The following GGH variants were observed in gnomAD, a reference collection of about 807,000 sequenced individuals.
GGH encodes gamma-Glu-X carboxypeptidase.
GGH carries 18 observed loss-of-function variants against 39.2 expected under a neutral mutation model. The observed-to-expected ratio is 0.46, with a 90% confidence interval of 0.32 to 0.68. The LOEUF (loss-of-function observed/expected upper bound fraction) is 0.68, where lower values mean the gene tolerates loss of function less well. GGH is among the 30% of genes least tolerant of loss of function. The pLI, the probability that GGH is intolerant of heterozygous loss-of-function variation, is 0.04. For missense variants in GGH, 367 were observed against 384.1 expected, an observed-to-expected ratio of 0.96 and a Z score of 0.37; for synonymous variants, 147 against 138.8, an observed-to-expected ratio of 1.06 and a Z score of -0.42.
Position 63,035,796 on chromosome 8 carries a change from CA to C in GGH, c.110-27del, listed in dbSNP as rs766646519. 5 of 1,569,238 alleles carry C rather than the reference CA, an allele frequency of 3.2e-6. No homozygotes were observed. In the East Asian group the frequency reaches 9.0e-5, roughly 28 times the overall value. On this transcript the variant is annotated intron_variant, in intron 1 of 8. Coordinates refer to ENST00000260118, the MANE Select transcript of GGH (RefSeq NM_003878.3). ...CTAATAACAAAAAAAAGTTTAGTTT[CA>C]AGCAAATTCCTTTTCTTCTTGCTCA...
chr8:63,027,828 G>A (rs547362423), intron 3 of GGH, among the ~76,000 whole-genome samples: 1 of 151,652 alleles, frequency 6.6e-6, no homozygotes, highest in African/African-American at 2.4e-5. Flanking sequence ...ACATAATTAC[G>A]ATTCTAGAAA....
intron 3 of GGH, among the ~76,000 whole-genome samples, chr8:63,027,471 A>G (rs1434864688): frequency 6.6e-6 from 1 of 152,222 alleles, no homozygotes; most frequent in Non-Finnish European, 1.5e-5. Context: ...ACAACACTTT[A>G]GTGCATATTT....
chr8:63,017,375 G>C (rs1315108491), intron 8 of GGH, 118 bp downstream of exon 8: 1 of 635,046 alleles, frequency 1.6e-6, no homozygotes, highest in African/African-American at 1.9e-5. Flanking sequence ...ATTCTTTAAA[G>C]TTAAACCTAT....
intron 3 of GGH, among the ~76,000 whole-genome samples, chr8:63,029,134 T>C (rs1195687185): frequency 1.3e-5 from 2 of 152,158 alleles, no homozygotes; most frequent in African/African-American, 4.8e-5. Context: ...AAAGCTCTTT[T>C]AAAAAAACAT....
chr8:63,038,603 C>CCCCCCCCCCCCACCCCCCA, intron 1 of GGH, 57 bp downstream of exon 1: 1 of 869,156 alleles, frequency 1.2e-6, no homozygotes. Flanking sequence ...GCGGGAGGCG[C>CCCCCCCCCCCCACCCCCCA]CCAGCGCCAA....
At chr8:63,029,750 T>C (rs1192719362) in intron 3 of GGH, among the ~76,000 whole-genome samples, 1 of 152,010 alleles carries the variant, frequency 6.6e-6, no homozygotes, top group African/African-American at 2.4e-5. Flanking sequence ...TAGCCTTCTT[T>C]CCTAAAATTA....
intron 5 of GGH, 146 bp from the exon 6 acceptor site, chr8:63,024,332 G>T: frequency 1.8e-6 from 1 of 552,828 alleles, no homozygotes; most frequent in Non-Finnish European, 3.2e-6. Flanking sequence ...TTCCATAGAA[G>T]TATTCCAATC....
At chr8:63,022,308 G>C (rs1804602579) in intron 7 of GGH, among the ~76,000 whole-genome samples, 1 of 151,916 alleles carries the variant, frequency 6.6e-6, no homozygotes, top group Non-Finnish European at 1.5e-5. Flanking sequence ...ATGGAAAAAA[G>C]AGTCTGTCTC....
At chr8:63,028,057 G>A (rs1352639340) in intron 3 of GGH, 1 of 151,958 alleles carries the variant, frequency 6.6e-6, no homozygotes. Flanking sequence ...ATTTAAATAC[G>A]AGCTTGAGAT....
Position 63,038,648 on chromosome 8 carries a change from C to G in GGH, c.109+12G>C, listed in dbSNP as rs369584231. 6 of 1,435,080 alleles carry G rather than the reference C, an allele frequency of 4.2e-6. No homozygotes were observed. The African/African-American group carries it at 5.8e-5, about 14-fold the overall frequency. The allele number at this position is 1,435,080 out of a possible 1,614,324, so 88.9% of individuals were successfully genotyped here. ...CCTCCCCGTCTGCTGCGGCCCCGCA[C>G]AGCCTCCTTACCGATGATGGGCTTC... On this transcript the variant is annotated intron_variant, in intron 1 of 8. Coordinates refer to ENST00000260118, the MANE Select transcript of GGH (RefSeq NM_003878.3).
intron 2 of GGH, among the ~76,000 whole-genome samples, chr8:63,031,345 G>A (rs773759924): frequency 6.6e-6 from 1 of 152,218 alleles, no homozygotes; most frequent in Non-Finnish European, 1.5e-5. Context: ...TACCAGAATG[G>A]TGCTTACCAT....
intron 8 of GGH, among the ~76,000 whole-genome samples, chr8:63,016,087 T>C (rs1005970729): frequency 2.0e-5 from 3 of 152,156 alleles, no homozygotes; most frequent in African/African-American, 4.8e-5. Context: ...AGTGAGAAGT[T>C]TGGCATGATG....
At chr8:63,021,046 GAGA>G (rs1253081742) in intron 7 of GGH, among the ~76,000 whole-genome samples, 2 of 152,160 alleles carry the variant, frequency 1.3e-5, no homozygotes, top group Non-Finnish European at 2.9e-5. Flanking sequence ...TCAGCCCAGT[GAGA>G]AGGACTCTCA....
chr8:63,030,172 A>C lies in GGH; in HGVS notation c.270T>G (p.Ile90Met). 1 of 1,385,132 alleles carries C rather than the reference A, an allele frequency of 7.2e-7. No homozygotes were observed. Among genetic ancestry groups the C allele is most frequent in the Middle Eastern group, 1.8e-4 (1 of 5,582 alleles). The allele number at this position is 1,385,132 out of a possible 1,614,324, so 85.8% of individuals were successfully genotyped here. ...EKDYEILFKS[I>M]NGILFPGGSV... ...AACCAATGCTGCCAACTTACCCATT[A>C]ATAGATTTGAAAAGTATTTCATAGT... The change falls in exon 3 of 9, where the codon ATT becomes ATG. Residue 90 changes from isoleucine to methionine, a missense_variant. Coordinates refer to ENST00000260118, the MANE Select transcript of GGH (RefSeq NM_003878.3).
intron 1 of GGH, among the ~76,000 whole-genome samples, chr8:63,036,786 A>G (rs1479771079): frequency 1.3e-5 from 2 of 152,216 alleles, no homozygotes; most frequent in Non-Finnish European, 2.9e-5. Flanking sequence ...AGGAATCCAT[A>G]TTATTAGAGC....
intron 8 of GGH, 64 bp from the exon 9 acceptor site, chr8:63,015,517 T>C: frequency 5.8e-6 from 6 of 1,030,416 alleles, no homozygotes; most frequent in Non-Finnish European, 8.6e-6. Context: ...GACTATTTTA[T>C]AATATTTCTT....
rs140998846 is a variant in GGH at position 63,035,157 on chromosome 8, A to G, written c.224+499T>C. On this transcript the variant is annotated intron_variant, in intron 2 of 8. Coordinates refer to ENST00000260118, the MANE Select transcript of GGH (RefSeq NM_003878.3). ...AATGCATATGACATATGGTACCTCTAATGACGTTACAGGTAACACACAGCT... is the reference window on the plus strand; with the variant it reads ...AATGCATATGACATATGGTACCTCTGATGACGTTACAGGTAACACACAGCT... Among the ~76,000 whole-genome samples, 333 of 152,310 alleles carry G rather than the reference A, an allele frequency of 2.2e-3. 1 individual carries two copies. Among genetic ancestry groups the G allele is most frequent in the African/African-American group, 7.6e-3 (316 of 41,560 alleles).
chr8:63,036,370 T>C (rs991436410), intron 1 of GGH, among the ~76,000 whole-genome samples: 7 of 152,200 alleles, frequency 4.6e-5, no homozygotes, highest in Non-Finnish European at 8.8e-5. Context: ...TGTTGAATCA[T>C]ACCTCATGCC....
At chr8:63,022,950 T>A (rs1373841189) in intron 7 of GGH, among the ~76,000 whole-genome samples, 1 of 152,236 alleles carries the variant, frequency 6.6e-6, no homozygotes, top group African/African-American at 2.4e-5. Flanking sequence ...AATACTAATA[T>A]CTAACATTTG....
Sources: gnomAD v4.1 joint callset for allele counts (sites outside exome capture counted in the v4.1 genomes callset) on GRCh38, gnomAD v4.1.1 for gene constraint, MANE v1.5 for transcripts, NCBI Gene and HGNC (gene_info 2026-07-23, HGNC 2026-07-21) for gene names.